The following NKAIN2 variants were observed in gnomAD, a reference collection of about 807,000 sequenced individuals.
NKAIN2 encodes sodium/potassium-transporting ATPase subunit beta-1-interacting protein 2.
NKAIN2 carries 14 observed loss-of-function variants against 32.6 expected under a neutral mutation model. The ratio of observed to expected loss-of-function variants is 0.43; its 90% confidence interval spans 0.28 to 0.67. NKAIN2 has a LOEUF of 0.67. Ranked by LOEUF, NKAIN2 falls within the 30% of genes least tolerant of loss-of-function variation. The probability of loss-of-function intolerance (pLI) is 0.17; values close to 1 mark genes in which losing one functional copy is unlikely to be tolerated. For missense variants in NKAIN2, 198 were observed against 258.3 expected, an observed-to-expected ratio of 0.77 and a Z score of 1.60; for synonymous variants, 80 against 87.2, an observed-to-expected ratio of 0.92 and a Z score of 0.46.
intron 3 of NKAIN2, among the ~76,000 whole-genome samples, chr6:124,413,601 G>A (rs1324266177): frequency 6.6e-6 from 1 of 152,074 alleles, no homozygotes; most frequent in Non-Finnish European, 1.5e-5. Flanking sequence ...GCTGGGATTG[G>A]GATAGGGATT....
rs114599081 is a variant in NKAIN2, at chr6:124,455,956, A to G, written c.273+100609A>G. On this transcript the variant is annotated intron_variant, in intron 3 of 6. Transcript: ENST00000368417. Reference sequence around the variant, plus strand: ...ACAAGGAAGTGTGTAGTGACTTCCCACAGGAGTCACTATTTTTTTCAGTGA... The same window carrying G: ...ACAAGGAAGTGTGTAGTGACTTCCCGCAGGAGTCACTATTTTTTTCAGTGA... 8.7e-3 allele frequency among the ~76,000 whole-genome samples: 1,321 copies of G among 151,974 alleles called. 14 individuals carry two copies. The highest frequency in any genetic ancestry group is 0.031 in the African/African-American group (1,274 of 41,496).
chr6:124,687,575 T>C (rs1158925765), intron 4 of NKAIN2, among the ~76,000 whole-genome samples: 41 of 62,042 alleles, frequency 6.6e-4, no homozygotes, highest in Admixed American at 1.1e-3. Context: ...ATATATAATA[T>C]ATATTTATAA....
chr6:124,269,964 A>C (rs905272116), intron 1 of NKAIN2, among the ~76,000 whole-genome samples: 2 of 152,170 alleles, frequency 1.3e-5, no homozygotes, highest in Non-Finnish European at 2.9e-5. Flanking sequence ...GAGAGGTTTG[A>C]TTGACAATCT....
intron 5 of NKAIN2, among the ~76,000 whole-genome samples, chr6:124,815,248 ATGTATATATATATGTG>A (rs1781105518): frequency 6.9e-6 from 1 of 144,720 alleles, no homozygotes; most frequent in South Asian, 2.1e-4. Context: ...ATATGTATAT[ATGTATATATATATGTG>A]TATATATATG....
chr6:124,609,357 T>C (rs748381838), intron 3 of NKAIN2, among the ~76,000 whole-genome samples: 14 of 152,144 alleles, frequency 9.2e-5, no homozygotes, highest in Admixed American at 2.0e-4. Flanking sequence ...TTTTACTTTA[T>C]TTTTTCATCA....
intron 4 of NKAIN2, among the ~76,000 whole-genome samples, chr6:124,758,592 G>A (rs1778074499): frequency 6.6e-6 from 1 of 152,144 alleles, no homozygotes; most frequent in Non-Finnish European, 1.5e-5. Flanking sequence ...GCCACTGCTT[G>A]GTTAGGCCGC....
At chr6:124,432,860 C>G (rs903923936) in intron 3 of NKAIN2, among the ~76,000 whole-genome samples, 1 of 152,022 alleles carries the variant, frequency 6.6e-6, no homozygotes, top group African/African-American at 2.4e-5. Flanking sequence ...ACCACTTCCT[C>G]CTCTGTGTCT....
chr6:124,410,995 G>C (rs1774145023), intron 3 of NKAIN2, among the ~76,000 whole-genome samples: 1 of 151,846 alleles, frequency 6.6e-6, no homozygotes, highest in Non-Finnish European at 1.5e-5. Context: ...CAGAGACTAG[G>C]ATTGCAACCC....
chr6:124,166,701 G>A (rs1380403839), intron 1 of NKAIN2, among the ~76,000 whole-genome samples: 5 of 151,826 alleles, frequency 3.3e-5, no homozygotes, highest in African/African-American at 2.4e-5. Flanking sequence ...TGTATAAGGT[G>A]TAAGGAAGGG....
intron 3 of NKAIN2, among the ~76,000 whole-genome samples, chr6:124,655,297 C>T (rs987278281): frequency 2.8e-4 from 43 of 152,046 alleles, no homozygotes; most frequent in African/African-American, 1.0e-3. Context: ...AAGTGAGGCA[C>T]TTACTCATGT....
intron 1 of NKAIN2, among the ~76,000 whole-genome samples, chr6:124,237,770 T>C (rs1188958459): frequency 2.0e-5 from 3 of 152,074 alleles, no homozygotes; most frequent in Non-Finnish European, 2.9e-5. Flanking sequence ...TAGCAATATC[T>C]TGAATGTATG....
chr6:124,611,235 C>A (rs1456891425), intron 3 of NKAIN2, among the ~76,000 whole-genome samples: 1 of 151,680 alleles, frequency 6.6e-6, no homozygotes, highest in Admixed American at 6.6e-5. Context: ...GGTTAAAGGG[C>A]TAGAAATTTA....
At chr6:124,278,930 T>C (rs1421410908) in intron 1 of NKAIN2, among the ~76,000 whole-genome samples, 1 of 152,014 alleles carries the variant, frequency 6.6e-6, no homozygotes, top group East Asian at 1.9e-4. Context: ...AATAAGGATA[T>C]AATGAGGTAG....
At chr6:123,864,060 G>T (rs989121829) in intron 1 of NKAIN2, among the ~76,000 whole-genome samples, 7 of 152,104 alleles carry the variant, frequency 4.6e-5, no homozygotes, top group African/African-American at 1.7e-4. Context: ...GCCTCAGGTT[G>T]TGTTTTCTTT....
Position 123,907,814 on chromosome 6 carries a change from C to T in NKAIN2, c.54+103560C>T, listed in dbSNP as rs376526478. Among the ~76,000 whole-genome samples, 4 of 152,114 alleles carry T rather than the reference C, an allele frequency of 2.6e-5. No individual in the cohort carries two copies. In the South Asian group the frequency reaches 8.3e-4, roughly 32 times the overall value. On this transcript the variant is annotated intron_variant, in intron 1 of 6. Coordinates refer to ENST00000368417, the MANE Select transcript of NKAIN2 (RefSeq NM_001040214.3). ...CCTTCATCTTCACTGAGTTGCATGT[C>T]GGGAAATCCTTTTGCACAAATAGCA...
chr6:123,918,288 A>C (rs1457126635), intron 1 of NKAIN2, among the ~76,000 whole-genome samples: 3 of 152,238 alleles, frequency 2.0e-5, no homozygotes, highest in Admixed American at 2.0e-4. Flanking sequence ...TTAATAATGC[A>C]GATTAAACTT....
intron 1 of NKAIN2, among the ~76,000 whole-genome samples, chr6:124,020,250 T>C (rs1780804669): frequency 6.6e-6 from 1 of 152,140 alleles, no homozygotes; most frequent in African/African-American, 2.4e-5. Context: ...AAAGGAGTAA[T>C]ATTCTTCCTG....
intron 1 of NKAIN2, among the ~76,000 whole-genome samples, chr6:124,071,940 C>T (rs1434243639): frequency 1.3e-5 from 2 of 152,034 alleles, no homozygotes; most frequent in Admixed American, 1.3e-4. Flanking sequence ...ACTTAAAACA[C>T]AAGTACCATT....
At chr6:124,111,095 G>A (rs1206380949) in intron 1 of NKAIN2, among the ~76,000 whole-genome samples, 2 of 151,834 alleles carry the variant, frequency 1.3e-5, no homozygotes, top group Admixed American at 6.6e-5. Flanking sequence ...AATTTGTTAG[G>A]GTATAATTTT....
Sources: gnomAD v4.1 joint callset for allele counts (sites outside exome capture counted in the v4.1 genomes callset) on GRCh38, gnomAD v4.1.1 for gene constraint, MANE v1.5 for transcripts, NCBI Gene and HGNC (gene_info 2026-07-23, HGNC 2026-07-21) for gene names.